Variants in TNPO3 observed in about 807,000 individuals in gnomAD.
TNPO3 encodes transportin 3.
Under a neutral mutation model 122.8 loss-of-function variants are expected in TNPO3, and 65 were observed. That is an observed-to-expected ratio of 0.53 (90% CI 0.43 to 0.65). The LOEUF is 0.65. Ranked by LOEUF, TNPO3 falls within the 30% of genes least tolerant of loss-of-function variation. The pLI is 0.00. For synonymous variants in TNPO3, 372 were observed against 411.2 expected (o/e 0.90, Z 1.15); for missense variants, 850 against 1,136.7 (o/e 0.75, Z 3.63).
At chr7:128,974,387 T>C (rs1798842851) in intron 18 of TNPO3, among the ~76,000 whole-genome samples, 1 of 151,212 alleles carries the variant, frequency 6.6e-6, no homozygotes, top group African/African-American at 2.4e-5. Context: ...GCAATCATAT[T>C]ATCAGTGCTA....
At chr7:129,036,954 A>T (rs1275254634) in intron 1 of TNPO3, among the ~76,000 whole-genome samples, 3 of 152,236 alleles carry the variant, frequency 2.0e-5, no homozygotes, top group Non-Finnish European at 4.4e-5. Flanking sequence ...ACAAAGTCAA[A>T]AAAAGGATAG....
chr7:129,038,108 A>T (rs1006758159), intron 1 of TNPO3, among the ~76,000 whole-genome samples: 1 of 152,212 alleles, frequency 6.6e-6, no homozygotes, highest in African/African-American at 2.4e-5. Flanking sequence ...AGAAATACTG[A>T]AGGGAAGCAG....
chr7:129,027,544 G>A (rs1217946631), intron 1 of TNPO3, among the ~76,000 whole-genome samples: 1 of 88,382 alleles, frequency 1.1e-5, no homozygotes, highest in East Asian at 3.7e-4. Flanking sequence ...CTGGGCAACA[G>A]AGCAAGACTG....
At chr7:128,995,447 A>G (rs535996390) in intron 8 of TNPO3, among the ~76,000 whole-genome samples, 3 of 152,350 alleles carry the variant, frequency 2.0e-5, no homozygotes, top group African/African-American at 2.4e-5. Flanking sequence ...CTTTAAGATG[A>G]AGAAATTAAG....
At chr7:129,040,110 C>G (rs1377048856) in intron 1 of TNPO3, among the ~76,000 whole-genome samples, 1 of 152,074 alleles carries the variant, frequency 6.6e-6, no homozygotes, top group Admixed American at 6.5e-5. Context: ...CAAAAATTAG[C>G]CGGGCGTGGT....
chr7:129,033,745 T>G (rs1299515627), intron 1 of TNPO3, among the ~76,000 whole-genome samples: 3 of 151,840 alleles, frequency 2.0e-5, no homozygotes, highest in African/African-American at 7.3e-5. Context: ...AAACCCCATC[T>G]CTACTAAAAA....
chr7:128,958,137 CTTTTTTTTTTTTTT>C (rs55683535), intron 21 of TNPO3, among the ~76,000 whole-genome samples: 1 of 96,202 alleles, frequency 1.0e-5, no homozygotes, highest in Non-Finnish European at 1.9e-5. Context: ...GAAGCACTTC[CTTTTTTTTTTTTTT>C]TTTTTTTTTG....
chr7:129,039,060 T>G (rs1807048740), intron 1 of TNPO3, among the ~76,000 whole-genome samples: 1 of 152,078 alleles, frequency 6.6e-6, no homozygotes, highest in African/African-American at 2.4e-5. Flanking sequence ...GAAAAGATGC[T>G]CAACATGATT....
chr7:129,028,107 A>C (rs550808452), intron 1 of TNPO3, among the ~76,000 whole-genome samples: 2 of 152,356 alleles, frequency 1.3e-5, no homozygotes, highest in East Asian at 3.9e-4. Flanking sequence ...AAGGGAAATC[A>C]GAAAACATCT....
Position 129,005,063 on chromosome 7 carries a change from T to G in TNPO3, c.649A>C (p.Asn217His). 1 of 1,613,946 alleles carries G rather than the reference T, an allele frequency of 6.2e-7. No individual in the cohort carries two copies. The highest frequency in any genetic ancestry group is 8.5e-7 in the Non-Finnish European group (1 of 1,179,900). Residue 217 changes from asparagine (N) to histidine (H), a missense_variant, in exon 5 of 23, where the codon AAC becomes CAC. By Grantham distance (68) the Asn-to-His change is moderately conservative (BLOSUM62 1). Coordinates refer to ENST00000265388, the MANE Select transcript of TNPO3 (RefSeq NM_012470.4). ...SWFNLGVLDS[N>H]FMANNKLLAL... ...AGTAATTTATTGTTAGCCATGAAGTTACTGTCCAAAACTCCCAAGTTAAAC... is the reference window on the plus strand; with the variant it reads ...AGTAATTTATTGTTAGCCATGAAGTGACTGTCCAAAACTCCCAAGTTAAAC...
At position 128,975,861 on chromosome 7, in the gene TNPO3, G is replaced by A. The variant is rs1350428314; in HGVS notation, c.2136C>T (p.Gly712=). The change falls in exon 17 of 23, where the codon GGC becomes GGT. Residue 712 remains glycine (G), a synonymous_variant. Coordinates refer to ENST00000265388, the MANE Select transcript of TNPO3 (RefSeq NM_012470.4). Reference sequence around the variant, plus strand: ...GTCCCTGCCGACAGCCTTCTTCCATGCCATATTCATCCACAAGGATACTGC... The same window carrying A: ...GTCCCTGCCGACAGCCTTCTTCCATACCATATTCATCCACAAGGATACTGC... The part of the protein sequence containing the change: ...YLGSILVDEY[G]MEEGCRQGLL... The A allele has an allele frequency of 1.2e-6, 2 of 1,613,746 alleles. No individual in the cohort carries two copies. The highest frequency in any genetic ancestry group is 2.7e-5 in the African/African-American group (2 of 74,896).
At chr7:129,045,441 A>G (rs1807911052) in intron 1 of TNPO3, among the ~76,000 whole-genome samples, 1 of 151,362 alleles carries the variant, frequency 6.6e-6, no homozygotes, top group Admixed American at 6.6e-5. Flanking sequence ...GGCTGCAGTG[A>G]GCTATGATCG....
chr7:129,021,095 C>T (rs1389020869), intron 1 of TNPO3, among the ~76,000 whole-genome samples: 1 of 152,008 alleles, frequency 6.6e-6, no homozygotes, highest in Non-Finnish European at 1.5e-5. Context: ...GTGGCTCACG[C>T]CTGTAATCCC....
intron 14 of TNPO3, 132 bp from the exon 15 acceptor site, chr7:128,980,163 T>C: frequency 1.3e-6 from 1 of 781,588 alleles, no homozygotes. Context: ...AGTCATTTAC[T>C]TACATCACCT....
In TNPO3 at chr7:128,955,217, AC is replaced by A; in HGVS notation, c.*199del. ...AAAATCCGCGCTGATTTTCCCTCAC[AC>A]CCCCAAACAGGAACTCCTCAGGATG... On this transcript the variant is annotated 3_prime_UTR_variant, in exon 23 of 23. Coordinates refer to ENST00000265388, the MANE Select transcript of TNPO3 (RefSeq NM_012470.4). The A allele has an allele frequency of 2.6e-6, 1 of 390,620 alleles. No individual in the cohort carries two copies. The highest frequency in any genetic ancestry group is 3.4e-5 in the Admixed American group (1 of 29,396). The allele number at this position is 390,620 out of a possible 1,614,324, so 24.2% of individuals were successfully genotyped here.
At chr7:128,974,031 G>A (rs1348331393) in intron 18 of TNPO3, among the ~76,000 whole-genome samples, 1 of 151,324 alleles carries the variant, frequency 6.6e-6, no homozygotes, top group East Asian at 2.0e-4. Context: ...AAAATTAGCT[G>A]GGCATGGTGG....
intron 5 of TNPO3, among the ~76,000 whole-genome samples, chr7:129,001,578 C>T (rs1801954949): frequency 6.6e-6 from 1 of 152,084 alleles, no homozygotes; most frequent in Admixed American, 6.5e-5. Context: ...GTGGGTGGTC[C>T]TGGAACCAAT....
At chr7:129,022,946 A>G (rs1804699056) in intron 1 of TNPO3, among the ~76,000 whole-genome samples, 1 of 152,258 alleles carries the variant, frequency 6.6e-6, no homozygotes, top group Non-Finnish European at 1.5e-5. Flanking sequence ...TATTACAACA[A>G]TTAAGAATAA....
At chr7:128,959,383 G>C (rs1218189739) in intron 21 of TNPO3, among the ~76,000 whole-genome samples, 1 of 152,188 alleles carries the variant, frequency 6.6e-6, no homozygotes, top group Non-Finnish European at 1.5e-5. Context: ...AGAACAGATA[G>C]AAACAGGGTC....
Sources: gnomAD v4.1 joint callset for allele counts (sites outside exome capture counted in the v4.1 genomes callset) on GRCh38, gnomAD v4.1.1 for gene constraint, MANE v1.5 for transcripts, NCBI Gene and HGNC (gene_info 2026-07-23, HGNC 2026-07-21) for gene names.